Variants in NRXN1 observed in about 807,000 individuals in gnomAD.
The protein encoded by NRXN1 is neurexin 1, also known as neurexin-1.
NRXN1 carries 39 observed loss-of-function variants against 150.9 expected under a neutral mutation model. The observed-to-expected ratio is 0.26, with a 90% confidence interval of 0.20 to 0.34. NRXN1 has a LOEUF of 0.34. Among genes scored for constraint, NRXN1 ranks in the 10% least tolerant of loss-of-function variants. The probability of loss-of-function intolerance (pLI) is 1.00; values close to 1 mark genes in which losing one functional copy is unlikely to be tolerated. For missense variants in NRXN1, 1,815 were observed against 1,949.9 expected, an observed-to-expected ratio of 0.93 and a Z score of 1.30; for synonymous variants, 924 against 757.0, an observed-to-expected ratio of 1.22 and a Z score of -3.62.
chr2:50,382,602 C>A (rs1169703044), intron 17 of NRXN1, among the ~76,000 whole-genome samples: 3 of 152,118 alleles, frequency 2.0e-5, no homozygotes. Flanking sequence ...TCTGAAATAG[C>A]CTATGGCCAG....
intron 21 of NRXN1, among the ~76,000 whole-genome samples, chr2:50,008,852 T>C (rs1049491611): frequency 7.2e-5 from 11 of 152,104 alleles, no homozygotes; most frequent in Admixed American, 1.3e-4. Flanking sequence ...AAGCTTACTC[T>C]ACATTATAGT....
chr2:50,277,052 G>C (rs895655405), intron 17 of NRXN1, among the ~76,000 whole-genome samples: 1 of 152,038 alleles, frequency 6.6e-6, no homozygotes, highest in Admixed American at 6.6e-5. Flanking sequence ...AACACAGTTA[G>C]CTACACTATG....
Position 50,569,644 on chromosome 2 carries a change from C to A in NRXN1, c.1321-16619G>T, listed in dbSNP as rs190250699. On this transcript the variant is annotated intron_variant, in intron 8 of 22. Transcript: ENST00000401669. ...AGAACTGCAATCCATCTCTGATATTCACCCGTCTACAGGCCAAATACAGAA... is the reference window on the plus strand; with the variant it reads ...AGAACTGCAATCCATCTCTGATATTAACCCGTCTACAGGCCAAATACAGAA... Among the ~76,000 whole-genome samples, 545 of 152,140 alleles carry A rather than the reference C, an allele frequency of 3.6e-3. 2 individuals are homozygous for A. The highest frequency in any genetic ancestry group is 0.012 in the African/African-American group (505 of 41,546).
chr2:50,148,999 C>A (rs559526231), intron 18 of NRXN1, among the ~76,000 whole-genome samples: 15 of 151,756 alleles, frequency 9.9e-5, no homozygotes, highest in African/African-American at 3.1e-4. Flanking sequence ...TTGCCAGGTT[C>A]ATATTAACAA....
At chr2:49,983,417 C>T (rs58564477) in intron 21 of NRXN1, among the ~76,000 whole-genome samples, 1 of 151,898 alleles carries the variant, frequency 6.6e-6, no homozygotes, top group African/African-American at 2.4e-5. Flanking sequence ...TTCCTTAAGT[C>T]TTTTATAGGT....
chr2:49,939,313 C>T lies in NRXN1; in HGVS notation c.4216+4391G>A, dbSNP rs371658750. Among the ~76,000 whole-genome samples the T allele has an allele frequency of 6.6e-5, 10 of 152,224 alleles. No homozygotes were observed. The East Asian group carries it at 9.7e-4, about 15-fold the overall frequency. On this transcript the variant is annotated intron_variant, in intron 22 of 22. Coordinates refer to ENST00000401669, the MANE Select transcript of NRXN1 (RefSeq NM_001330078.2). ...ATGTTATCTATCTCTCATGTGTCTA[C>T]GCTTCTTAAACTGGGCACTTTAGGA...
chr2:50,958,487 G>T (rs1042741096), intron 2 of NRXN1, among the ~76,000 whole-genome samples: 4 of 151,568 alleles, frequency 2.6e-5, no homozygotes, highest in Non-Finnish European at 5.9e-5. Flanking sequence ...TAATAAGCTT[G>T]TTTTTTTTAA....
chr2:50,476,641 A>G (rs192202192), intron 15 of NRXN1, among the ~76,000 whole-genome samples: 16 of 152,244 alleles, frequency 1.1e-4, no homozygotes, highest in African/African-American at 3.9e-4. Context: ...AAGAAGGAGA[A>G]GTATAGTTTA....
Position 49,974,199 on chromosome 2 carries a change from G to A in NRXN1, c.4129-30408C>T, listed in dbSNP as rs1558615683. 5 of 703,610 alleles carry A rather than the reference G, an allele frequency of 7.1e-6. No homozygotes were observed. In the East Asian group the frequency reaches 1.1e-4, roughly 15 times the overall value. 43.6% of individuals were successfully genotyped at this position (703,610 alleles called of 1,614,324 possible). ...ACACAGATGGGCGAGAAAAGACACAGAAAACGCTCTGTCAGTCACGTGTCA... is the reference window on the plus strand; with the variant it reads ...ACACAGATGGGCGAGAAAAGACACAAAAAACGCTCTGTCAGTCACGTGTCA... On this transcript the variant is annotated intron_variant, in intron 21 of 22. Transcript: ENST00000401669.
intron 5 of NRXN1, among the ~76,000 whole-genome samples, chr2:50,772,171 G>T (rs1703090865): frequency 6.6e-6 from 1 of 151,854 alleles, no homozygotes; most frequent in Admixed American, 6.6e-5. Context: ...TCTCCGATGT[G>T]CTTGCCTAAC....
intron 12 of NRXN1, among the ~76,000 whole-genome samples, chr2:50,516,267 G>T: frequency 6.6e-6 from 1 of 152,158 alleles, no homozygotes; most frequent in East Asian, 1.9e-4. Context: ...TTTCAAGATG[G>T]TAGCAGTGGA....
chr2:50,062,236 G>A (rs1170750495), intron 19 of NRXN1, among the ~76,000 whole-genome samples: 1 of 151,986 alleles, frequency 6.6e-6, no homozygotes, highest in Non-Finnish European at 1.5e-5. Context: ...GTGTCAGGAG[G>A]TAAAGCCTTT....
intron 17 of NRXN1, among the ~76,000 whole-genome samples, chr2:50,329,676 T>C (rs200749058): frequency 0.24 from 8,324 of 34,126 alleles, 1,534 homozygotes; most frequent in African/African-American, 0.39. Flanking sequence ...TATATATATT[T>C]TTTTTTTTCC....
chr2:50,323,401 T>G (rs2152976318), intron 17 of NRXN1, among the ~76,000 whole-genome samples: 1 of 152,248 alleles, frequency 6.6e-6, no homozygotes, highest in Non-Finnish European at 1.5e-5. Flanking sequence ...TTTCAAAAAG[T>G]CTGCCTCCCA....
At chr2:50,250,087 T>G (rs1486512018) in intron 17 of NRXN1, among the ~76,000 whole-genome samples, 4 of 152,174 alleles carry the variant, frequency 2.6e-5, no homozygotes, top group African/African-American at 9.7e-5. Context: ...AATTTAAATC[T>G]CTTTTATAAA....
intron 5 of NRXN1, among the ~76,000 whole-genome samples, chr2:50,901,798 G>A (rs1490555237): frequency 2.0e-5 from 3 of 152,156 alleles, no homozygotes. Context: ...AAGTTCTTCA[G>A]TAAATGTGAA....
At chr2:50,445,002 A>C (rs1295066601) in intron 17 of NRXN1, among the ~76,000 whole-genome samples, 1 of 152,144 alleles carries the variant, frequency 6.6e-6, no homozygotes, top group East Asian at 1.9e-4. Flanking sequence ...ATAATTTAAC[A>C]CCAAAATAAC....
chr2:50,607,116 G>A (rs1028167374), intron 8 of NRXN1, among the ~76,000 whole-genome samples: 3 of 152,112 alleles, frequency 2.0e-5, no homozygotes, highest in Admixed American at 6.6e-5. Flanking sequence ...AGTGTGAAAA[G>A]GGATAAAATG....
At chr2:49,923,279 G>A (rs1668539997) in intron 22 of NRXN1, among the ~76,000 whole-genome samples, 1 of 152,232 alleles carries the variant, frequency 6.6e-6, no homozygotes, top group African/African-American at 2.4e-5. Context: ...TGTAGCGAGA[G>A]AAGAAGATTC....
Sources: allele counts gnomAD v4.1 joint callset (sites outside exome capture counted in the v4.1 genomes callset), GRCh38; gene constraint gnomAD v4.1.1; transcripts MANE v1.5; gene names NCBI Gene and HGNC (gene_info 2026-07-23, HGNC 2026-07-21).